FLRT2: variants seen among roughly 807,000 people sequenced by gnomAD.
FLRT2 encodes the protein leucine-rich repeat transmembrane protein FLRT2.
FLRT2 carries 15 observed loss-of-function variants against 40.0 expected under a neutral mutation model. The ratio of observed to expected loss-of-function variants is 0.38; its 90% confidence interval spans 0.25 to 0.58. The LOEUF (loss-of-function observed/expected upper bound fraction) is 0.58, where lower values mean the gene tolerates loss of function less well. Ranked by LOEUF, FLRT2 falls within the 20% of genes least tolerant of loss-of-function variation. The probability of loss-of-function intolerance (pLI) is 0.71; values close to 1 mark genes in which losing one functional copy is unlikely to be tolerated. For synonymous variants in FLRT2, 380 were observed against 336.8 expected (o/e 1.13, Z -1.41); for missense variants, 726 against 840.0 (o/e 0.86, Z 1.68).
chr14:85,595,679 C>T (rs1055749136), intron 1 of FLRT2, among the ~76,000 whole-genome samples: 4 of 152,070 alleles, frequency 2.6e-5, no homozygotes, highest in Non-Finnish European at 5.9e-5. Flanking sequence ...GTATAACTGC[C>T]TACCATGTTC....
At chr14:85,575,872 G>A (rs1891109041) in intron 1 of FLRT2, among the ~76,000 whole-genome samples, 1 of 152,138 alleles carries the variant, frequency 6.6e-6, no homozygotes, top group African/African-American at 2.4e-5. Context: ...TTACTTGGCT[G>A]GGCTATGGAG....
chr14:85,603,814 G>A (rs1302426094), intron 1 of FLRT2, among the ~76,000 whole-genome samples: 1 of 152,208 alleles, frequency 6.6e-6, no homozygotes, highest in African/African-American at 2.4e-5. Context: ...ATTGCAGCGA[G>A]CCGAGGTCTC....
chr14:85,557,901 A>G (rs1402630257), intron 1 of FLRT2, among the ~76,000 whole-genome samples: 3 of 152,190 alleles, frequency 2.0e-5, no homozygotes, highest in African/African-American at 7.2e-5. Context: ...TTATGTCGCT[A>G]GTTCATGGTA....
At chr14:85,582,030 G>C (rs948348326) in intron 1 of FLRT2, among the ~76,000 whole-genome samples, 11 of 152,102 alleles carry the variant, frequency 7.2e-5, no homozygotes, top group Non-Finnish European at 1.5e-4. Context: ...ATACAGTGAG[G>C]GGCATGGAAC....
chr14:85,588,620 C>T (rs7153400), intron 1 of FLRT2, among the ~76,000 whole-genome samples: 72,521 of 151,850 alleles, frequency 0.48, 18,321 homozygotes, highest in East Asian at 0.66. Flanking sequence ...TTACAAACAA[C>T]CCAGTTATAC....
At chr14:85,562,167 A>G (rs1890371565) in intron 1 of FLRT2, among the ~76,000 whole-genome samples, 1 of 152,254 alleles carries the variant, frequency 6.6e-6, no homozygotes, top group Non-Finnish European at 1.5e-5. Context: ...GGCATCTGAG[A>G]AAGTAAGTAA....
At chr14:85,584,587 A>G (rs1007851650) in intron 1 of FLRT2, among the ~76,000 whole-genome samples, 1 of 152,180 alleles carries the variant, frequency 6.6e-6, no homozygotes, top group Non-Finnish European at 1.5e-5. Context: ...GAGGACAGAC[A>G]TCCTTCTCTG....
At chr14:85,551,778 A>C (rs954639351) in intron 1 of FLRT2, 8 of 152,208 alleles carry the variant, frequency 5.3e-5, no homozygotes, top group Non-Finnish European at 1.0e-4. Context: ...GAGAAACTTG[A>C]AGGTGAGAAC....
At chr14:85,569,304 G>T (rs1890788952) in intron 1 of FLRT2, among the ~76,000 whole-genome samples, 1 of 152,200 alleles carries the variant, frequency 6.6e-6, no homozygotes, top group South Asian at 2.1e-4. Flanking sequence ...GGCAATGCAG[G>T]TTTCCTTTTG....
intron 1 of FLRT2, among the ~76,000 whole-genome samples, chr14:85,535,914 TTTTTTTTGTTG>T (rs1341139438): frequency 6.6e-5 from 5 of 76,102 alleles, no homozygotes; most frequent in African/African-American, 3.3e-4. Flanking sequence ...TTTTTTTTTT[TTTTTTTTGTTG>T]TTGTTGTTGT....
chr14:85,596,339 G>A lies in FLRT2; in HGVS notation c.-376-24800G>A, dbSNP rs546790345. Reference sequence around the variant, plus strand: ...ACAAGAATCTTAAATAGAATCAGGCGTTTCTGTAAATATTGAAACAACTGG... The same window carrying A: ...ACAAGAATCTTAAATAGAATCAGGCATTTCTGTAAATATTGAAACAACTGG... On this transcript the variant is annotated intron_variant, in intron 1 of 1. Transcript: ENST00000330753. Among the ~76,000 whole-genome samples, 6 of 152,256 alleles carry A rather than the reference G, an allele frequency of 3.9e-5. No homozygotes were observed. In the South Asian group the frequency reaches 6.2e-4, roughly 16 times the overall value.
intron 1 of FLRT2, among the ~76,000 whole-genome samples, chr14:85,543,769 A>G (rs973182182): frequency 6.6e-6 from 1 of 152,048 alleles, no homozygotes; most frequent in Non-Finnish European, 1.5e-5. Context: ...ACATTATCGC[A>G]TACTCTCCAT....
intron 1 of FLRT2, among the ~76,000 whole-genome samples, chr14:85,533,365 C>A (rs1192218465): frequency 1.3e-5 from 2 of 151,938 alleles, no homozygotes; most frequent in Non-Finnish European, 2.9e-5. Context: ...GTGGTCTGAG[C>A]AGCCTCCAGA....
chr14:85,623,224 G>A lies in FLRT2; in HGVS notation c.1710G>A (p.Gly570=), dbSNP rs1893508412. The change falls in exon 2 of 2, where the codon GGG becomes GGA. Residue 570 remains glycine (G), a synonymous_variant. Coordinates refer to ENST00000330753, the MANE Select transcript of FLRT2 (RefSeq NM_013231.6). The part of the protein sequence containing the change: ...SVFCWHMHKK[G]RYTSQKWKYN... Reference sequence around the variant, plus strand: ...TTTGCTGGCATATGCACAAAAAGGGGCGCTACACCTCCCAGAAGTGGAAAT... The same window carrying A: ...TTTGCTGGCATATGCACAAAAAGGGACGCTACACCTCCCAGAAGTGGAAAT... The A allele has an allele frequency of 1.3e-6, 2 of 1,529,500 alleles. No individual in the cohort carries two copies. Among genetic ancestry groups the A allele is most frequent in the South Asian group, 1.3e-5 (1 of 76,438 alleles). The allele number at this position is 1,529,500 out of a possible 1,614,324, so 94.7% of individuals were successfully genotyped here. A position where few individuals can be genotyped will look rare whatever the true frequency, so the allele number is the denominator to read the frequency against.
chr14:85,552,072 A>C (rs1257878222), intron 1 of FLRT2, among the ~76,000 whole-genome samples: 1 of 152,146 alleles, frequency 6.6e-6, no homozygotes, highest in African/African-American at 2.4e-5. Context: ...AGTGAGCAGG[A>C]GCATTAAATT....
chr14:85,594,235 T>G (rs1016884955), intron 1 of FLRT2, among the ~76,000 whole-genome samples: 4 of 152,192 alleles, frequency 2.6e-5, no homozygotes, highest in Admixed American at 6.5e-5. Flanking sequence ...CATATAATAT[T>G]TAACTGTTAT....
intron 1 of FLRT2, among the ~76,000 whole-genome samples, chr14:85,572,385 T>G (rs181838637): frequency 1.2e-3 from 179 of 152,336 alleles, no homozygotes; most frequent in Middle Eastern, 6.8e-3. Context: ...CTTTTGTAGT[T>G]GTTATTTAAC....
At chr14:85,607,765 CTGTATTA>C (rs1892686572) in intron 1 of FLRT2, among the ~76,000 whole-genome samples, 1 of 152,166 alleles carries the variant, frequency 6.6e-6, no homozygotes, top group Non-Finnish European at 1.5e-5. Flanking sequence ...GTGCTTTCTA[CTGTATTA>C]AGAAATCAAG....
At position 85,638,705 on chromosome 14, in the gene FLRT2, A is replaced by G. The variant is rs929020261; in HGVS notation, c.*15208A>G. The G allele has an allele frequency of 6.6e-6, 1 of 152,200 alleles. No homozygotes were observed. Among genetic ancestry groups the G allele is most frequent in the Non-Finnish European group, 1.5e-5 (1 of 68,042 alleles). 9.4% of individuals were successfully genotyped at this position (152,200 alleles called of 1,614,324 possible). On this transcript the variant is annotated 3_prime_UTR_variant, in exon 2 of 2. Transcript: ENST00000330753. ...AGGGATTTCTTTACTTATTGAGCAG[A>G]GCGAAGTAACATTAATTTGTGTTAT... is the stretch of plus-strand genomic sequence containing the variant.
Sources: gnomAD v4.1 joint callset for allele counts (sites outside exome capture counted in the v4.1 genomes callset) on GRCh38, gnomAD v4.1.1 for gene constraint, MANE v1.5 for transcripts, NCBI Gene and HGNC (gene_info 2026-07-23, HGNC 2026-07-21) for gene names.